Variants in MRTFA observed in about 807,000 individuals in gnomAD.
The protein encoded by MRTFA is myocardin-related transcription factor A.
Under a neutral mutation model 83.5 loss-of-function variants are expected in MRTFA, and 20 were observed. The ratio of observed to expected loss-of-function variants is 0.24; its 90% CI spans 0.17 to 0.35. MRTFA has a LOEUF of 0.35. MRTFA is among the 10% of genes least tolerant of loss of function. The probability of loss-of-function intolerance (pLI) is 1.00; values close to 1 mark genes in which losing one functional copy is unlikely to be tolerated. For synonymous variants in MRTFA, 659 were observed against 541.2 expected (o/e 1.22, Z -3.02); for missense variants, 1,200 against 1,224.7 (o/e 0.98, Z 0.30).
chr22:40,592,123 T>C (rs2056128622), intron 2 of MRTFA, among the ~76,000 whole-genome samples: 1 of 152,052 alleles, frequency 6.6e-6, no homozygotes. Context: ...ATCAAATTTA[T>C]AATTGTTTTA....
At chr22:40,569,679 C>T in intron 2 of MRTFA, 1 of 152,702 alleles carries the variant, frequency 6.5e-6, no homozygotes. Context: ...TGCACCACTG[C>T]AGTCCAGCCT....
chr22:40,617,435 A>G (rs1245177148), intron 1 of MRTFA, among the ~76,000 whole-genome samples: 3 of 152,216 alleles, frequency 2.0e-5, no homozygotes, highest in Admixed American at 1.3e-4. Context: ...TGTGGTAGAA[A>G]GAATGGCCTA....
chr22:40,603,348 A>T (rs1307280483), intron 1 of MRTFA, among the ~76,000 whole-genome samples: 1 of 152,260 alleles, frequency 6.6e-6, no homozygotes, highest in African/African-American at 2.4e-5. Context: ...TGTAATTTAC[A>T]ACATCAAAAA....
At chr22:40,449,992 C>G (rs911815422) in intron 4 of MRTFA, among the ~76,000 whole-genome samples, 1 of 152,200 alleles carries the variant, frequency 6.6e-6, no homozygotes, top group African/African-American at 2.4e-5. Context: ...CAGAGGTTCA[C>G]TGGTAGTGCA....
intron 1 of MRTFA, among the ~76,000 whole-genome samples, chr22:40,633,594 T>C (rs959947229): frequency 5.9e-5 from 9 of 152,192 alleles, no homozygotes; most frequent in Non-Finnish European, 1.3e-4. Flanking sequence ...TATATATCAA[T>C]GTACTCCATT....
chr22:40,441,831 T>TACACACAC (rs562549245), intron 4 of MRTFA, among the ~76,000 whole-genome samples: 124 of 147,960 alleles, frequency 8.4e-4, no homozygotes, highest in East Asian at 3.8e-3. Flanking sequence ...TATATATATA[T>TACACACAC]ACACACACAC....
At chr22:40,570,513 G>T (rs2147343761) in intron 2 of MRTFA, among the ~76,000 whole-genome samples, 1 of 140,448 alleles carries the variant, frequency 7.1e-6, no homozygotes, top group South Asian at 2.3e-4. Flanking sequence ...AGGAGGTGGA[G>T]CTTGCAGTGA....
intron 1 of MRTFA, among the ~76,000 whole-genome samples, chr22:40,634,083 G>T (rs901121472): frequency 6.6e-6 from 1 of 151,106 alleles, no homozygotes; most frequent in Admixed American, 6.6e-5. Context: ...TATATCAGAA[G>T]ATTTATCAGG....
At chr22:40,550,852 C>CTTTTT (rs111531159) in intron 3 of MRTFA, among the ~76,000 whole-genome samples, 1 of 89,518 alleles carries the variant, frequency 1.1e-5, no homozygotes, top group African/African-American at 3.6e-5. Context: ...TTTCTTTTTT[C>CTTTTT]TTTTTTTTTT....
intron 3 of MRTFA, among the ~76,000 whole-genome samples, chr22:40,473,281 G>T (rs550614511): frequency 6.6e-6 from 1 of 151,956 alleles, no homozygotes; most frequent in Non-Finnish European, 1.5e-5. Flanking sequence ...CACCTCAGCC[G>T]CCTGAGTAGC....
intron 1 of MRTFA, among the ~76,000 whole-genome samples, chr22:40,613,977 A>C (rs952611550): frequency 6.6e-6 from 1 of 152,026 alleles, no homozygotes; most frequent in Non-Finnish European, 1.5e-5. Flanking sequence ...AGGCGGGCGG[A>C]TCACCTGAGG....
At chr22:40,417,211 C>G in intron 13 of MRTFA, 130 bp downstream of exon 13, 1 of 1,415,004 alleles carries the variant, frequency 7.1e-7, no homozygotes, top group Non-Finnish European at 9.6e-7. Flanking sequence ...CAACCCACTC[C>G]CCAAGGCCTC....
intron 3 of MRTFA, among the ~76,000 whole-genome samples, chr22:40,549,565 T>C (rs1283763971): frequency 6.6e-6 from 1 of 152,144 alleles, no homozygotes; most frequent in Admixed American, 6.6e-5. Context: ...GAAGGGAGTA[T>C]TGATTGGGAA....
intron 1 of MRTFA, among the ~76,000 whole-genome samples, chr22:40,598,877 G>C (rs1279126343): frequency 2.0e-5 from 3 of 151,478 alleles, no homozygotes; most frequent in Non-Finnish European, 4.4e-5. Flanking sequence ...TATAATCCCA[G>C]CTACTTGGGA....
chr22:40,502,140 G>T lies in MRTFA; in HGVS notation c.242-38854C>A, dbSNP rs1460128559. Among the ~76,000 whole-genome samples, 7 of 140,480 alleles carry T rather than the reference G, an allele frequency of 5.0e-5. No individual in the cohort carries two copies. In the South Asian group the frequency reaches 9.0e-4, roughly 18 times the overall value. The allele number at this position is 140,480 out of a possible 152,430, so 92.2% of individuals were successfully genotyped here. A position where few individuals can be genotyped will look rare whatever the true frequency, so the allele number is the denominator to read the frequency against. On this transcript the variant is annotated intron_variant, in intron 3 of 14. Transcript: ENST00000355630. ...GCGCCCCTCACCTCCCGGACGGGGC[G>T]GCTGGCCGGGCGGGGGGCTGACCCC...
chr22:40,505,773 A>G (rs1273864978), intron 3 of MRTFA, among the ~76,000 whole-genome samples: 1 of 152,200 alleles, frequency 6.6e-6, no homozygotes, highest in Non-Finnish European at 1.5e-5. Flanking sequence ...CTCACAAGAC[A>G]ACCAAACCTG....
chr22:40,439,088 A>G (rs2053225704), intron 4 of MRTFA, among the ~76,000 whole-genome samples: 1 of 152,246 alleles, frequency 6.6e-6, no homozygotes, highest in South Asian at 2.1e-4. Flanking sequence ...AATAGCAGGG[A>G]TAAGATTATA....
chr22:40,534,272 G>C (rs1476571597), intron 3 of MRTFA, among the ~76,000 whole-genome samples: 1 of 150,710 alleles, frequency 6.6e-6, no homozygotes, highest in Non-Finnish European at 1.5e-5. Context: ...AACTACAGAA[G>C]CTCAACTATT....
At chr22:40,516,547 A>G (rs909834455) in intron 3 of MRTFA, among the ~76,000 whole-genome samples, 1 of 152,052 alleles carries the variant, frequency 6.6e-6, no homozygotes, top group Non-Finnish European at 1.5e-5. Flanking sequence ...GGACCTTCAC[A>G]CAGCAAATGT....
Sources: gnomAD v4.1 joint callset for allele counts (sites outside exome capture counted in the v4.1 genomes callset) on GRCh38, gnomAD v4.1.1 for gene constraint, MANE v1.5 for transcripts, NCBI Gene and HGNC (gene_info 2026-07-23, HGNC 2026-07-21) for gene names.